Variants in HMGCLL1 observed in about 807,000 individuals in gnomAD.
HMGCLL1 encodes the protein 3-hydroxymethyl-3-methylglutaryl-CoA lyase, cytoplasmic.
Under a neutral mutation model 39.1 loss-of-function variants are expected in HMGCLL1, and 36 were observed. The observed-to-expected ratio is 0.92, with a 90% CI of 0.71 to 1.22. HMGCLL1 has a LOEUF of 1.22. HMGCLL1 is among the 50% of genes most tolerant of loss of function. HMGCLL1 has a pLI of 0.00. For missense variants in HMGCLL1, 451 were observed against 416.5 expected, an observed-to-expected ratio of 1.08 and a Z score of -0.72; for synonymous variants, 149 against 144.0, an observed-to-expected ratio of 1.03 and a Z score of -0.25.
At chr6:55,676,862 C>T in the HMGCLL1 span, among the ~76,000 whole-genome samples, 1 of 152,208 alleles carries the variant, frequency 6.6e-6, no homozygotes, top group Non-Finnish European at 1.5e-5. Flanking sequence ...AAGTTAAGTT[C>T]ATAAGAGATG....
At chr6:55,461,484 C>T (rs1296685899) in intron 7 of HMGCLL1, among the ~76,000 whole-genome samples, 2 of 151,920 alleles carry the variant, frequency 1.3e-5, no homozygotes, top group African/African-American at 4.8e-5. Flanking sequence ...TATGAAGATG[C>T]TGCTAAATTT....
chr6:55,603,733 G>A, the HMGCLL1 span, among the ~76,000 whole-genome samples: 10 of 152,122 alleles, frequency 6.6e-5, no homozygotes, highest in East Asian at 1.2e-3. Context: ...GACAGTGAGC[G>A]TACTTAACTC....
chr6:55,486,476 G>A (rs551221591), intron 7 of HMGCLL1, among the ~76,000 whole-genome samples: 71 of 151,896 alleles, frequency 4.7e-4, no homozygotes, highest in Non-Finnish European at 9.4e-4. Context: ...TGTGGAAGAC[G>A]AACTCATTAA....
Position 55,564,682 on chromosome 6 carries a change from C to A in HMGCLL1, c.108+14266G>T, listed in dbSNP as rs114359611. ...GTAATACATTTTACACAAATTTGAT[C>A]TTTTTGATGACTTTGAGTCAATGGT... is the stretch of plus-strand genomic sequence containing the variant. On this transcript the variant is annotated intron_variant, in intron 1 of 8. Transcript: ENST00000274901. 3.0e-3 allele frequency among the ~76,000 whole-genome samples: 463 copies of A among 152,100 alleles called. 3 individuals are homozygous for A. Among genetic ancestry groups the A allele is most frequent in the African/African-American group, 0.011 (446 of 41,514 alleles).
the HMGCLL1 span, among the ~76,000 whole-genome samples, chr6:55,598,509 G>A: frequency 6.6e-6 from 1 of 152,064 alleles, no homozygotes; most frequent in South Asian, 2.1e-4. Flanking sequence ...CTGTTACCAC[G>A]CTAACATAGC....
At chr6:55,598,629 G>A in the HMGCLL1 span, among the ~76,000 whole-genome samples, 5 of 152,168 alleles carry the variant, frequency 3.3e-5, no homozygotes, top group African/African-American at 1.2e-4. Flanking sequence ...TACCTCACAA[G>A]TACCGTTCTC....
intron 1 of HMGCLL1, among the ~76,000 whole-genome samples, chr6:55,559,497 A>G (rs897140202): frequency 6.6e-6 from 1 of 152,122 alleles, no homozygotes; most frequent in Non-Finnish European, 1.5e-5. Context: ...AAGTGGTAGG[A>G]AGTGGATGTT....
At chr6:55,574,026 C>T (rs1045972441) in intron 1 of HMGCLL1, among the ~76,000 whole-genome samples, 1 of 151,964 alleles carries the variant, frequency 6.6e-6, no homozygotes, top group African/African-American at 2.4e-5. Context: ...GAGAAATCTG[C>T]ATTTTGCACT....
the HMGCLL1 span, among the ~76,000 whole-genome samples, chr6:55,665,449 C>T: frequency 4.0e-5 from 6 of 151,588 alleles, no homozygotes; most frequent in African/African-American, 1.5e-4. Flanking sequence ...CATAATTAGG[C>T]TGTTCTTTTA....
At chr6:55,655,353 C>T in the HMGCLL1 span, among the ~76,000 whole-genome samples, 1 of 151,520 alleles carries the variant, frequency 6.6e-6, no homozygotes, top group African/African-American at 2.4e-5. Context: ...CCTCCTGTTA[C>T]AATTATACAG....
At chr6:55,616,146 C>T in the HMGCLL1 span, among the ~76,000 whole-genome samples, 43 of 152,170 alleles carry the variant, frequency 2.8e-4, 2 homozygotes, top group East Asian at 7.5e-3. Flanking sequence ...CATTGAAGAT[C>T]TTCCCATTAA....
intron 7 of HMGCLL1, among the ~76,000 whole-genome samples, chr6:55,487,583 GATGGTTTCCAGCTTCATCC>G: frequency 1.3e-5 from 2 of 152,134 alleles, no homozygotes; most frequent in Admixed American, 1.3e-4. Context: ...TACTGAAAAT[GATGGTTTCCAGCTTCATCC>G]ATGTCCCTGC....
chr6:55,481,885 T>C (rs1176659294), intron 7 of HMGCLL1, among the ~76,000 whole-genome samples: 1 of 152,124 alleles, frequency 6.6e-6, no homozygotes, highest in Non-Finnish European at 1.5e-5. Flanking sequence ...TGCCATAAGA[T>C]ATTTATTTAC....
At chr6:55,450,968 T>C (rs1764054100) in intron 7 of HMGCLL1, among the ~76,000 whole-genome samples, 1 of 152,008 alleles carries the variant, frequency 6.6e-6, no homozygotes, top group South Asian at 2.1e-4. Context: ...AGTAATTGAG[T>C]TCATTGGCTG....
intron 1 of HMGCLL1, chr6:55,566,764 C>T: frequency 2.9e-6 from 1 of 341,214 alleles, no homozygotes; most frequent in Non-Finnish European, 5.9e-6. Context: ...AGAAAAGGAA[C>T]AAATAGGCTT....
intron 1 of HMGCLL1, among the ~76,000 whole-genome samples, chr6:55,577,925 T>C (rs1270654088): frequency 6.6e-6 from 1 of 152,180 alleles, no homozygotes; most frequent in African/African-American, 2.4e-5. Context: ...AAACAAAATA[T>C]CTTCTAAAGA....
At chr6:55,542,753 T>C (rs1230351396) in intron 1 of HMGCLL1, among the ~76,000 whole-genome samples, 1 of 148,868 alleles carries the variant, frequency 6.7e-6, no homozygotes, top group Non-Finnish European at 1.5e-5. Flanking sequence ...CACTCCAGCC[T>C]TGGTGACAGT....
chr6:55,474,519 T>A (rs2127405894), intron 7 of HMGCLL1, among the ~76,000 whole-genome samples: 1 of 151,690 alleles, frequency 6.6e-6, no homozygotes, highest in African/African-American at 2.4e-5. Flanking sequence ...CCGTCTCTTT[T>A]TTGCATGTTG....
chr6:55,520,511 T>C (rs1029873035), intron 3 of HMGCLL1, among the ~76,000 whole-genome samples: 2 of 151,946 alleles, frequency 1.3e-5, no homozygotes, highest in African/African-American at 4.8e-5. Flanking sequence ...AGTAAAGAGT[T>C]TTAGGAAATC....
Sources: gnomAD v4.1 joint callset for allele counts (sites outside exome capture counted in the v4.1 genomes callset) on GRCh38, gnomAD v4.1.1 for gene constraint, MANE v1.5 for transcripts, NCBI Gene and HGNC (gene_info 2026-07-23, HGNC 2026-07-21) for gene names.